Variants in LUZP1 observed in about 807,000 individuals in gnomAD.
LUZP1 encodes filamin mechanobinding actin cross-linking protein.
Under a neutral mutation model 71.3 loss-of-function variants are expected in LUZP1, and 25 were observed. That is an observed-to-expected ratio of 0.35 (90% confidence interval 0.26 to 0.49). LUZP1 has a LOEUF of 0.49. Among genes scored for constraint, LUZP1 ranks in the 20% least tolerant of loss-of-function variants. The pLI is 0.99. For synonymous variants in LUZP1, 481 were observed against 506.4 expected, an observed-to-expected ratio of 0.95 and a Z score of 0.67; for missense variants, 1,142 against 1,300.8, an observed-to-expected ratio of 0.88 and a Z score of 1.88.
intron 1 of LUZP1, among the ~76,000 whole-genome samples, chr1:23,170,755 C>A (rs112008277): frequency 1.3e-5 from 2 of 152,038 alleles, no homozygotes; most frequent in Non-Finnish European, 2.9e-5. Context: ...ACGTGAGCCA[C>A]CACATCAGGC....
intron 2 of LUZP1, among the ~76,000 whole-genome samples, chr1:23,150,173 A>G (rs146737018): frequency 3.3e-5 from 5 of 152,212 alleles, no homozygotes; most frequent in Non-Finnish European, 4.4e-5. Flanking sequence ...TAGAGAATGC[A>G]ATGAAGAAGA....
At chr1:23,111,404 A>T (rs528635317) in intron 2 of LUZP1, among the ~76,000 whole-genome samples, 72 of 151,214 alleles carry the variant, frequency 4.8e-4, no homozygotes, top group Non-Finnish European at 6.8e-4. Context: ...AAAAAAAAAA[A>T]TTTTAATTAG....
At chr1:23,132,855 A>C (rs1356528610) in intron 2 of LUZP1, among the ~76,000 whole-genome samples, 3 of 152,238 alleles carry the variant, frequency 2.0e-5, no homozygotes, top group African/African-American at 7.2e-5. Flanking sequence ...TGTTTATTTT[A>C]AGAAGATTAT....
At position 23,097,547 on chromosome 1, in the gene LUZP1, G is replaced by A. The variant is rs538164035; in HGVS notation, c.-119-3167C>T. Among the ~76,000 whole-genome samples, 3 of 152,288 alleles carry A rather than the reference G, an allele frequency of 2.0e-5. No individual in the cohort carries two copies. In the East Asian group the frequency reaches 5.8e-4, roughly 29 times the overall value. On this transcript the variant is annotated intron_variant, in intron 3 of 4. Transcript: ENST00000302291. ...TGCTCTTAGACTACATGTGAAGCAT[G>A]AGGCAAAGAAAGGAATTAAGAAGCC...
At chr1:23,142,669 A>T (rs184340633) in intron 2 of LUZP1, among the ~76,000 whole-genome samples, 1 of 151,226 alleles carries the variant, frequency 6.6e-6, no homozygotes, top group Non-Finnish European at 1.5e-5. Flanking sequence ...GGCATCCAAT[A>T]AATGGTGGGT....
rs200873130 is a variant in LUZP1, at chr1:23,091,611, G to T, written c.2651C>A (p.Ser884Ter). The T allele has an allele frequency of 5.6e-6, 9 of 1,614,130 alleles. No homozygotes were observed. Among genetic ancestry groups the T allele is most frequent in the East Asian group, 2.2e-5 (1 of 44,890 alleles). The change falls in exon 4 of 5, where the codon TCG (serine) becomes TAG (stop). Residue 884 changes from serine to a stop codon, truncating the protein, a stop_gained. Coordinates refer to ENST00000302291, the Ensembl canonical transcript of LUZP1. LOFTEE classifies it high-confidence loss of function. Reference sequence around the variant, plus strand: ...ATGGCTATTCCTCTCCACAGGATCCGATGGCTTGATTATAATGCTGCTCCG... The same window carrying T: ...ATGGCTATTCCTCTCCACAGGATCCTATGGCTTGATTATAATGCTGCTCCG...
chr1:23,089,023 C>T (rs1377281267), exon 5 of LUZP1: 8 of 1,613,944 alleles, frequency 5.0e-6, no homozygotes, highest in Non-Finnish European at 6.8e-6. Flanking sequence ...TGCCTGTAGA[C>T]ACTGAGTGTA....
At chr1:23,155,922 A>G (rs1445310187) in intron 2 of LUZP1, among the ~76,000 whole-genome samples, 1 of 152,262 alleles carries the variant, frequency 6.6e-6, no homozygotes, top group Non-Finnish European at 1.5e-5. Flanking sequence ...AAGCTGTTCC[A>G]GGACTTAACC....
chr1:23,100,910 T>C (rs1339065037), intron 3 of LUZP1, among the ~76,000 whole-genome samples: 2 of 152,044 alleles, frequency 1.3e-5, no homozygotes, highest in Non-Finnish European at 2.9e-5. Flanking sequence ...CAGAAGTAAA[T>C]ACTGTGCTTT....
At chr1:23,165,865 G>A (rs866203897) in intron 2 of LUZP1, among the ~76,000 whole-genome samples, 3 of 151,718 alleles carry the variant, frequency 2.0e-5, no homozygotes, top group African/African-American at 7.3e-5. Flanking sequence ...AATGATGGCC[G>A]CTTTACACTG....
At chr1:23,168,542 CAT>C (rs1569718965) in intron 2 of LUZP1, among the ~76,000 whole-genome samples, 1 of 151,224 alleles carries the variant, frequency 6.6e-6, no homozygotes, top group East Asian at 2.0e-4. Flanking sequence ...ACTCCACAAA[CAT>C]GTGCTGGGTC....
At chr1:23,166,162 G>A (rs1039767353) in intron 2 of LUZP1, among the ~76,000 whole-genome samples, 1 of 152,056 alleles carries the variant, frequency 6.6e-6, no homozygotes, top group African/African-American at 2.4e-5. Context: ...TTATTCTAGG[G>A]CCCACAGTCA....
rs1323381889 is a variant in LUZP1, at chr1:23,137,050, T to C, written c.-225-27923A>G. Among the ~76,000 whole-genome samples, 4 of 152,330 alleles carry C rather than the reference T, an allele frequency of 2.6e-5. No homozygotes were observed. The South Asian group carries it at 8.3e-4, about 32-fold the overall frequency. ...GGCAATCACTTCAGTCAACATATGC[T>C]CTGTCAGAACCTCTAGTTCCACTAT... On this transcript the variant is annotated intron_variant, in intron 2 of 4. Coordinates refer to ENST00000302291, the Ensembl canonical transcript of LUZP1.
intron 2 of LUZP1, among the ~76,000 whole-genome samples, chr1:23,158,706 C>T (rs1281461518): frequency 1.4e-5 from 2 of 138,652 alleles, no homozygotes; most frequent in Admixed American, 7.3e-5. Flanking sequence ...GTGGCTCATG[C>T]GTTTAATCCC....
At chr1:23,117,264 G>C (rs1412535959) in intron 2 of LUZP1, among the ~76,000 whole-genome samples, 1 of 152,104 alleles carries the variant, frequency 6.6e-6, no homozygotes, top group Non-Finnish European at 1.5e-5. Context: ...ATTACTTTAA[G>C]TGATTAAACT....
At chr1:23,084,045 T>C (rs1355229318) in exon 5 of LUZP1, 1 of 152,222 alleles carries the variant, frequency 6.6e-6, no homozygotes, top group African/African-American at 2.4e-5. Flanking sequence ...GAGACCAGTC[T>C]GCCTTTATTC....
chr1:23,172,752 C>T (rs1216362672), intron 1 of LUZP1, among the ~76,000 whole-genome samples: 3 of 151,252 alleles, frequency 2.0e-5, no homozygotes, highest in Admixed American at 6.6e-5. Context: ...TGGGCTCAAG[C>T]GATCCTTTAG....
chr1:23,094,236 T>C lies in LUZP1; in HGVS notation c.26A>G (p.Glu9Gly), dbSNP rs890495596. 6.2e-7 allele frequency: 1 copy of C among 1,607,682 alleles called. No individual in the cohort carries two copies. The highest frequency in any genetic ancestry group is 2.2e-5 in the East Asian group (1 of 44,834). The change falls in exon 4 of 5, where the codon GAG becomes GGG. Residue 9 changes from glutamate (E) to glycine (G), a missense_variant. Physicochemically the swap from Glu to Gly is moderately conservative, Grantham distance 98. Coordinates refer to ENST00000302291, the Ensembl canonical transcript of LUZP1. This position sits in a 1 kb window ranked among gnomAD's most constrained non-coding sequence, Gnocchi z 4.7. ...CCGCAAGTGGCGGCTGGAGGCCGTCTCCTTGTAGCTTGTAAATTCGGCCAT... is the reference window on the plus strand; with the variant it reads ...CCGCAAGTGGCGGCTGGAGGCCGTCCCCTTGTAGCTTGTAAATTCGGCCAT...
At chr1:23,147,836 G>A (rs753255460) in intron 2 of LUZP1, among the ~76,000 whole-genome samples, 1 of 152,080 alleles carries the variant, frequency 6.6e-6, no homozygotes, top group East Asian at 1.9e-4. Flanking sequence ...TCACATTTCA[G>A]TGTCTCCATA....
Sources: gnomAD v4.1 joint callset for allele counts (sites outside exome capture counted in the v4.1 genomes callset) on GRCh38, gnomAD v4.1.1 for gene constraint, Gnocchi (gnomAD v3.1) non-coding constraint, MANE v1.5 for transcripts, NCBI Gene and HGNC (gene_info 2026-07-23, HGNC 2026-07-21) for gene names.